The following QTGAL variants were observed in gnomAD, a reference collection of about 807,000 sequenced individuals.
QTGAL encodes queuosine-tRNA galactosyltransferase, also known as BGnT-like protein 1.
chr17:82,969,314 C>G, the QTGAL span, among the ~76,000 whole-genome samples: 3 of 80,306 alleles, frequency 3.7e-5, no homozygotes, highest in Admixed American at 1.5e-4. Flanking sequence ...TGTGCACCAC[C>G]ACGCCTGGCT....
At chr17:82,959,648 A>G in the QTGAL span, among the ~76,000 whole-genome samples, 2 of 151,206 alleles carry the variant, frequency 1.3e-5, no homozygotes, top group Non-Finnish European at 3.0e-5. Context: ...CAGCTTAGGG[A>G]CCCCAGGGGG....
the QTGAL span, among the ~76,000 whole-genome samples, chr17:83,043,374 G>T: frequency 6.6e-6 from 1 of 152,132 alleles, no homozygotes; most frequent in East Asian, 1.9e-4. Flanking sequence ...AAGTAAAACT[G>T]AAAAATTCAT....
chr17:83,002,889 CG>C, the QTGAL span, among the ~76,000 whole-genome samples: 10 of 68,202 alleles, frequency 1.5e-4, no homozygotes, highest in South Asian at 5.2e-4. Context: ...GCCCGCCCTC[CG>C]CGTGTGGGAT....
the QTGAL span, among the ~76,000 whole-genome samples, chr17:83,037,354 C>T: frequency 1.3e-5 from 2 of 152,244 alleles, no homozygotes; most frequent in East Asian, 1.9e-4. The surrounding 1 kb of genome is among the most constrained non-coding windows in gnomAD (Gnocchi z 5.2). Context: ...CTCCCACCCT[C>T]TCTGCGTTCT....
the QTGAL span, among the ~76,000 whole-genome samples, chr17:82,998,662 A>G: frequency 9.2e-3 from 1,393 of 152,142 alleles, 26 homozygotes; most frequent in African/African-American, 0.031. Context: ...TACAACTTCT[A>G]CTCTTTGAAA....
the QTGAL span, among the ~76,000 whole-genome samples, chr17:83,012,964 G>T: frequency 6.6e-6 from 1 of 151,972 alleles, no homozygotes; most frequent in African/African-American, 2.4e-5. Flanking sequence ...GTCTCTCCCA[G>T]GCAGTCCATG....
the QTGAL span, among the ~76,000 whole-genome samples, chr17:82,950,515 T>G: frequency 6.6e-6 from 1 of 152,186 alleles, no homozygotes; most frequent in Non-Finnish European, 1.5e-5. Context: ...TATAACTGCT[T>G]CTCGGAGCCT....
At chr17:82,954,501 GA>G in the QTGAL span, among the ~76,000 whole-genome samples, 132 of 148,198 alleles carry the variant, frequency 8.9e-4, 1 homozygote, top group South Asian at 4.9e-3. Context: ...CAAACAAATG[GA>G]AAAAAAAAAT....
At chr17:82,997,980 T>C in the QTGAL span, among the ~76,000 whole-genome samples, 1 of 149,418 alleles carries the variant, frequency 6.7e-6, no homozygotes, top group Non-Finnish European at 1.5e-5. Context: ...TATCTATCTA[T>C]ATCTATATAT....
At chr17:83,010,053 G>T in the QTGAL span, among the ~76,000 whole-genome samples, 3 of 122,584 alleles carry the variant, frequency 2.4e-5, no homozygotes, top group East Asian at 2.6e-4. Context: ...CGGGGGGCTG[G>T]GGGGGCTGTG....
chr17:82,983,503 T>G, the QTGAL span, among the ~76,000 whole-genome samples: 1 of 152,126 alleles, frequency 6.6e-6, no homozygotes, highest in Non-Finnish European at 1.5e-5. Flanking sequence ...GAGACACACA[T>G]TCCCAGCCCC....
At chr17:82,955,098 T>A in the QTGAL span, among the ~76,000 whole-genome samples, 207 of 152,198 alleles carry the variant, frequency 1.4e-3, no homozygotes, top group Non-Finnish European at 2.6e-3. Flanking sequence ...CAAAAGCAAT[T>A]GCAACAGAAG....
chr17:83,026,140 C>A, the QTGAL span, among the ~76,000 whole-genome samples: 1 of 152,222 alleles, frequency 6.6e-6, no homozygotes, highest in African/African-American at 2.4e-5. Context: ...CAAATCCAGG[C>A]ACAGAGAGGC....
chr17:82,956,550 G>T, the QTGAL span: 1 of 934,196 alleles, frequency 1.1e-6, no homozygotes, highest in Non-Finnish European at 1.6e-6. The surrounding 1 kb of genome is among the most constrained non-coding windows in gnomAD (Gnocchi z 5.7). Flanking sequence ...GTGCTGTTGT[G>T]GACGGCTGTG....
chr17:83,006,226 T>G, the QTGAL span: 544,356 of 985,368 alleles, frequency 0.55, 150,906 homozygotes, highest in South Asian at 0.58. The surrounding 1 kb of genome is among the most constrained non-coding windows in gnomAD (Gnocchi z 5.8). Flanking sequence ...CTCCTAACTC[T>G]GAAGCGATGA....
chr17:82,974,329 CCT>C, the QTGAL span, among the ~76,000 whole-genome samples: 1 of 152,352 alleles, frequency 6.6e-6, no homozygotes, highest in African/African-American at 2.4e-5. Flanking sequence ...ACACAGGCCC[CCT>C]GAGGTGAAGG....
At chr17:83,011,955 T>C in the QTGAL span, among the ~76,000 whole-genome samples, 1 of 148,888 alleles carries the variant, frequency 6.7e-6, no homozygotes, top group African/African-American at 2.5e-5. Flanking sequence ...CTCGTATCCA[T>C]AAGTATCCCA....
chr17:83,045,696 A>G, the QTGAL span, among the ~76,000 whole-genome samples: 18,064 of 152,284 alleles, frequency 0.12, 1,297 homozygotes, highest in South Asian at 0.23. Context: ...ATAAAGCTCT[A>G]GTGTCCAGAA....
the QTGAL span, chr17:82,956,845 A>G: frequency 6.7e-7 from 1 of 1,497,506 alleles, no homozygotes; most frequent in South Asian, 1.2e-5. The surrounding 1 kb of genome is among the most constrained non-coding windows in gnomAD (Gnocchi z 5.7). Context: ...GGGTGCACGC[A>G]GCCACCAAGT....
Sources: allele counts gnomAD v4.1 joint callset (sites outside exome capture counted in the v4.1 genomes callset), GRCh38; gene constraint gnomAD v4.1.1; non-coding constraint Gnocchi (gnomAD v3.1); transcripts MANE v1.5; gene names NCBI Gene and HGNC (gene_info 2026-07-23, HGNC 2026-07-21).